BNC2: variants seen among roughly 807,000 people sequenced by gnomAD.
BNC2 encodes the protein basonuclin zinc finger protein 2, also known as zinc finger protein basonuclin-2.
A neutral mutation model predicts 76.3 loss-of-function variants in BNC2; 20 were observed. The observed-to-expected ratio is 0.26, with a 90% confidence interval of 0.18 to 0.38. The LOEUF (loss-of-function observed/expected upper bound fraction) is 0.38. Ranked by LOEUF, BNC2 falls within the 10% of genes least tolerant of loss-of-function variation. The pLI is 1.00. For missense variants in BNC2, 1,382 were observed against 1,399.8 expected, an observed-to-expected ratio of 0.99 and a Z score of 0.20; for synonymous variants, 582 against 514.8, an observed-to-expected ratio of 1.13 and a Z score of -1.77.
chr9:16,767,720 A>G (rs2135432643), intron 1 of BNC2, among the ~76,000 whole-genome samples: 1 of 152,324 alleles, frequency 6.6e-6, no homozygotes, highest in East Asian at 1.9e-4. Flanking sequence ...TATTATACAA[A>G]CGTAAACAGT....
chr9:16,662,662 G>A (rs935416647), intron 3 of BNC2, among the ~76,000 whole-genome samples: 5 of 152,178 alleles, frequency 3.3e-5, no homozygotes, highest in South Asian at 2.1e-4. Context: ...TTTAAACCCA[G>A]GAGGTGGAGG....
chr9:16,468,954 T>C (rs1050338425), intron 5 of BNC2, among the ~76,000 whole-genome samples: 6 of 152,230 alleles, frequency 3.9e-5, no homozygotes, highest in Non-Finnish European at 8.8e-5. Flanking sequence ...TTTTCACTCT[T>C]ATATTCACAG....
At position 16,418,690 on chromosome 9, in the gene BNC2, G is replaced by T. The variant is rs1222286277; in HGVS notation, c.*299C>A. ...TGTGTGTGTGTGTGTGTGTGTGTGT[G>T]TATGTGCATGTGTGTGTGTGTGTGT... On this transcript the variant is annotated 3_prime_UTR_variant, in exon 7 of 7. Coordinates refer to ENST00000380672, the MANE Select transcript of BNC2 (RefSeq NM_017637.6). 7 of 340,612 alleles carry T rather than the reference G, an allele frequency of 2.1e-5. No individual in the cohort carries two copies. Among genetic ancestry groups the T allele is most frequent in the Non-Finnish European group, 3.8e-5 (7 of 183,470 alleles). The allele number at this position is 340,612 out of a possible 1,614,324, so 21.1% of individuals were successfully genotyped here.
At chr9:16,622,907 TA>T (rs1428155776) in intron 3 of BNC2, among the ~76,000 whole-genome samples, 2 of 152,146 alleles carry the variant, frequency 1.3e-5, no homozygotes, top group Non-Finnish European at 2.9e-5. Flanking sequence ...TCTCTACTGT[TA>T]AAAAACGATG....
chr9:16,477,187 C>T (rs544446888), intron 5 of BNC2, among the ~76,000 whole-genome samples: 1 of 152,308 alleles, frequency 6.6e-6, no homozygotes, highest in Admixed American at 6.5e-5. Context: ...AGGCCAGGAG[C>T]TGGAGGTTCC....
chr9:16,844,784 C>T (rs561380298), intron 1 of BNC2, among the ~76,000 whole-genome samples: 46 of 152,228 alleles, frequency 3.0e-4, no homozygotes, highest in East Asian at 2.9e-3. Flanking sequence ...CATGCGCCAC[C>T]GCACCCAGCC....
Position 16,419,109 on chromosome 9 carries a change from T to C in BNC2, c.3180A>G (p.Arg1060=). 6.2e-7 allele frequency: 1 copy of C among 1,614,206 alleles called. No individual in the cohort carries two copies. The change falls in exon 7 of 7, where the codon AGA becomes AGG. Residue 1060 remains arginine, a synonymous_variant. Transcript: ENST00000380672. ...LRVHYKTVHL[R]EMHKCKVPGC... ...CTGGGACTTTGCACTTGTGCATTTC[T>C]CTCAAATGCACAGTTTTGTAGTGCA...
At chr9:16,818,403 CA>C (rs1346118610) in intron 1 of BNC2, among the ~76,000 whole-genome samples, 3 of 150,142 alleles carry the variant, frequency 2.0e-5, no homozygotes, top group Admixed American at 6.6e-5. Context: ...GACTCCGTCT[CA>C]AAAAAAAATT....
intron 3 of BNC2, among the ~76,000 whole-genome samples, chr9:16,710,524 A>T (rs1823806250): frequency 6.6e-6 from 1 of 152,172 alleles, no homozygotes; most frequent in Non-Finnish European, 1.5e-5. Context: ...CTTTTCATAA[A>T]ATCTTAGGAG....
chr9:16,848,624 C>A (rs922599411), intron 1 of BNC2, among the ~76,000 whole-genome samples: 1 of 152,146 alleles, frequency 6.6e-6, no homozygotes, highest in Non-Finnish European at 1.5e-5. Flanking sequence ...ACCCTCTCTA[C>A]CTTCATAAAA....
rs990060508 is a variant in BNC2 at position 16,788,573 on chromosome 9, G to C, written c.4-50088C>G. 8.8e-5 allele frequency among the ~76,000 whole-genome samples: 13 copies of C among 148,312 alleles called. 1 individual carries two copies. Among genetic ancestry groups the C allele is most frequent in the Admixed American group, 2.7e-4 (4 of 14,680 alleles). ...TTCTCAAAAAAAAAAAAAAAAAAGA[G>C]GTCATTCCTTTTAAACATGACAAGT... On this transcript the variant is annotated intron_variant, in intron 1 of 6. Transcript: ENST00000380672.
intron 3 of BNC2, among the ~76,000 whole-genome samples, chr9:16,662,372 C>T (rs141595486): frequency 1.3e-3 from 192 of 152,226 alleles, no homozygotes; most frequent in African/African-American, 4.3e-3. Context: ...AGGAGTCATA[C>T]CTTAAAATAA....
At chr9:16,731,987 G>A (rs1359869960) in intron 2 of BNC2, among the ~76,000 whole-genome samples, 1 of 151,874 alleles carries the variant, frequency 6.6e-6, no homozygotes, top group East Asian at 1.9e-4. Flanking sequence ...AGTTAGTGTG[G>A]GATAACAAGA....
intron 1 of BNC2, among the ~76,000 whole-genome samples, chr9:16,766,832 CT>C (rs776129474): frequency 1.3e-4 from 20 of 152,160 alleles, no homozygotes; most frequent in Non-Finnish European, 2.8e-4. Context: ...AGTGTAGGGG[CT>C]TTAGAGTGGG....
At chr9:16,579,547 T>G (rs1368584251) in intron 4 of BNC2, among the ~76,000 whole-genome samples, 1 of 152,196 alleles carries the variant, frequency 6.6e-6, no homozygotes, top group African/African-American at 2.4e-5. Flanking sequence ...CCTCGCAAAG[T>G]GCTGGGAATA....
rs1443021970 is a variant in BNC2, at chr9:16,449,004, GA to G, written c.670-11481del. Among the ~76,000 whole-genome samples, 4 of 152,182 alleles carry G rather than the reference GA, an allele frequency of 2.6e-5. No individual in the cohort carries two copies. In the East Asian group the frequency reaches 5.8e-4, roughly 22 times the overall value. On this transcript the variant is annotated intron_variant, in intron 5 of 6. Coordinates refer to ENST00000380672, the MANE Select transcript of BNC2 (RefSeq NM_017637.6). ...TTATATATTTTATTGGGCCACAAAA[GA>G]GAGGTGTTTGGGGTTTGGTGGCTGA...
Position 16,411,910 on chromosome 9 carries a change from C to T in BNC2, c.*7079G>A, listed in dbSNP as rs180699594. ...AGGTTGGAAGGAAGCATGGCATCCC[C>T]TAGTCCCAGAAAGAAGACGCTTGAT... is the stretch of plus-strand genomic sequence containing the variant. On this transcript the variant is annotated 3_prime_UTR_variant, in exon 7 of 7. Coordinates refer to ENST00000380672, the MANE Select transcript of BNC2 (RefSeq NM_017637.6). 1.3e-4 allele frequency: 20 copies of T among 152,326 alleles called. No individual in the cohort carries two copies. The highest frequency in any genetic ancestry group is 4.3e-4 in the African/African-American group (18 of 41,576). The allele number at this position is 152,326 out of a possible 1,614,324, so 9.4% of individuals were successfully genotyped here. A position where few individuals can be genotyped will look rare whatever the true frequency, so the allele number is the denominator to read the frequency against.
chr9:16,835,963 T>G (rs547757416), intron 1 of BNC2, among the ~76,000 whole-genome samples: 68 of 152,286 alleles, frequency 4.5e-4, no homozygotes, highest in African/African-American at 1.6e-3. Flanking sequence ...CCATCCCACC[T>G]AGTTAAGAAT....
intron 3 of BNC2, among the ~76,000 whole-genome samples, chr9:16,649,208 A>G (rs1210300189): frequency 6.6e-6 from 1 of 152,212 alleles, no homozygotes; most frequent in Non-Finnish European, 1.5e-5. Context: ...GCCCCAGCAC[A>G]CCCACTGCAT....
Sources: allele counts gnomAD v4.1 joint callset (sites outside exome capture counted in the v4.1 genomes callset), GRCh38; gene constraint gnomAD v4.1.1; transcripts MANE v1.5; gene names NCBI Gene and HGNC (gene_info 2026-07-23, HGNC 2026-07-21).